Variants in C9 observed in about 807,000 individuals in gnomAD.
The protein encoded by C9 is complement component C9.
In C9, 63 loss-of-function variants were observed where a neutral mutation model predicts 65.4. The ratio of observed to expected loss-of-function variants is 0.96; its 90% CI spans 0.79 to 1.19. C9 has a LOEUF of 1.19. C9 is among the 50% of genes most tolerant of loss of function. The probability of loss-of-function intolerance (pLI) is 0.00; values close to 1 mark genes in which losing one functional copy is unlikely to be tolerated. For synonymous variants in C9, 229 were observed against 227.9 expected (o/e 1.00, Z -0.04); for missense variants, 744 against 670.1 (o/e 1.11, Z -1.22).
intron 1 of C9, among the ~76,000 whole-genome samples, chr5:39,351,301 C>G (rs966165444): frequency 6.6e-6 from 1 of 152,198 alleles, no homozygotes; most frequent in Non-Finnish European, 1.5e-5. Flanking sequence ...CCACAAAGGT[C>G]TCTGAAATGC....
intron 4 of C9, among the ~76,000 whole-genome samples, chr5:39,332,779 T>G (rs1449458002): frequency 6.6e-6 from 1 of 152,240 alleles, no homozygotes; most frequent in African/African-American, 2.4e-5. Context: ...TAAGACCAAT[T>G]TGTCAAAGAG....
At chr5:39,335,034 TA>T (rs1170677508) in intron 4 of C9, among the ~76,000 whole-genome samples, 5 of 151,836 alleles carry the variant, frequency 3.3e-5, no homozygotes, top group African/African-American at 9.7e-5. Flanking sequence ...TTTGTATCAC[TA>T]AGGTTTTGAC....
intron 1 of C9, among the ~76,000 whole-genome samples, chr5:39,362,924 C>T (rs575777267): frequency 6.6e-6 from 1 of 152,060 alleles, no homozygotes; most frequent in Non-Finnish European, 1.5e-5. Flanking sequence ...AGCCGTGCAG[C>T]TGCTGGAGCT....
chr5:39,314,649 G>A (rs1753541277), intron 6 of C9, among the ~76,000 whole-genome samples: 1 of 151,892 alleles, frequency 6.6e-6, no homozygotes, highest in Non-Finnish European at 1.5e-5. Context: ...CTACATTAGA[G>A]ACTTCTCTAA....
chr5:39,346,973 C>A (rs993027602), intron 1 of C9, among the ~76,000 whole-genome samples: 1 of 152,092 alleles, frequency 6.6e-6, no homozygotes, highest in African/African-American at 2.4e-5. Flanking sequence ...ATTCAACAGC[C>A]CTTCATGCTA....
rs1447506509 is a variant in C9, at chr5:39,315,950, G to A, written c.695C>T (p.Thr232Ile). The A allele has an allele frequency of 2.5e-6, 4 of 1,608,508 alleles. No homozygotes were observed. The highest frequency in any genetic ancestry group is 3.4e-6 in the Non-Finnish European group (4 of 1,175,298). The change falls in exon 6 of 11, where the codon ACA becomes ATA. Residue 232 changes from threonine (T) to isoleucine (I), a missense_variant. Coordinates refer to ENST00000263408, the MANE Select transcript of C9 (RefSeq NM_001737.5). ...EAFKSIIQEK[T>I]SNFNAAISLK... is the part of the protein sequence containing the mutation. ...AGATATAGCTGCATTAAAATTTGAT[G>A]TCTTCTCTTGGATGATACTTTTAAA...
Position 39,315,798 on chromosome 5 carries a change from A to T in C9, c.847T>A (p.Phe283Ile). 6.2e-7 allele frequency: 1 copy of T among 1,604,852 alleles called. No individual in the cohort carries two copies. Among genetic ancestry groups the T allele is most frequent in the Non-Finnish European group, 8.5e-7 (1 of 1,171,912 alleles). The change falls in exon 6 of 11, where the codon TTT (phenylalanine) becomes ATT (isoleucine). Residue 283 changes from phenylalanine (F) to isoleucine (I), a missense_variant. Phe to Ile is a conservative substitution (Grantham distance 21). Transcript: ENST00000263408. ...SYSKNETYQL[F>I]LSYSSKKEKM... ...ACCTTCTTTGAAGAATATGACAAAAATAGTTGGTAAGTTTCATTTTTGGAA... is the reference window on the plus strand; with the variant it reads ...ACCTTCTTTGAAGAATATGACAAAATTAGTTGGTAAGTTTCATTTTTGGAA...
chr5:39,319,821 C>T (rs1261515853), intron 5 of C9, among the ~76,000 whole-genome samples: 2 of 152,102 alleles, frequency 1.3e-5, no homozygotes, highest in Non-Finnish European at 2.9e-5. Context: ...GATCCAGGCC[C>T]ACTTCTGTAG....
intron 7 of C9, among the ~76,000 whole-genome samples, chr5:39,308,754 C>A (rs1753424715): frequency 6.6e-6 from 1 of 152,112 alleles, no homozygotes; most frequent in South Asian, 2.1e-4. Context: ...CTCACACTGG[C>A]CTTATGAAGT....
chr5:39,354,237 C>T (rs2111979981), intron 1 of C9, among the ~76,000 whole-genome samples: 1 of 152,298 alleles, frequency 6.6e-6, no homozygotes, highest in African/African-American at 2.4e-5. Context: ...AAAACTACAG[C>T]CTCATCTGGA....
In C9 at chr5:39,364,466, C is replaced by A; in HGVS notation, c.-2G>T. On this transcript the variant is annotated 5_prime_UTR_variant, in exon 1 of 11. Coordinates refer to ENST00000263408, the MANE Select transcript of C9 (RefSeq NM_001737.5). ...TGCAAAGCTCCGGCAGGCTGACATG[C>A]TGCTCTTGCTGGGTGGCTGCGAGTG... 6.3e-7 allele frequency: 1 copy of A among 1,598,274 alleles called. No homozygotes were observed. Among genetic ancestry groups the A allele is most frequent in the Non-Finnish European group, 8.6e-7 (1 of 1,166,874 alleles).
chr5:39,300,205 G>A (rs933033761), intron 9 of C9, among the ~76,000 whole-genome samples: 1 of 152,098 alleles, frequency 6.6e-6, no homozygotes, highest in Non-Finnish European at 1.5e-5. Flanking sequence ...TTGAGGTCAG[G>A]AGTTTGAAAA....
intron 4 of C9, among the ~76,000 whole-genome samples, chr5:39,336,577 A>T (rs1379807060): frequency 2.0e-5 from 3 of 152,126 alleles, no homozygotes; most frequent in African/African-American, 7.2e-5. Flanking sequence ...TAATGAAATG[A>T]ATGAGTCTTC....
At chr5:39,306,822 G>A in intron 8 of C9, 30 bp from the exon 9 acceptor site, 1 of 1,539,378 alleles carries the variant, frequency 6.5e-7, no homozygotes, top group Non-Finnish European at 9.0e-7. Context: ...TTAAAGAGAA[G>A]CAGAAGAAGT....
At chr5:39,316,306 T>C (rs993102276) in intron 5 of C9, among the ~76,000 whole-genome samples, 6 of 152,210 alleles carry the variant, frequency 3.9e-5, no homozygotes, top group Non-Finnish European at 7.3e-5. Flanking sequence ...AAAAATTCAG[T>C]GAGATAATGC....
Position 39,354,636 on chromosome 5 carries a change from T to C in C9, c.77+9752A>G, listed in dbSNP as rs1754383844. Among the ~76,000 whole-genome samples, 7 of 152,186 alleles carry C rather than the reference T, an allele frequency of 4.6e-5. No homozygotes were observed. The South Asian group carries it at 1.4e-3, about 32-fold the overall frequency. Reference sequence around the variant, plus strand: ...TTCTGAGTACCTACTATGTTCCAGGTATTTGATATTCAAGCTGAACAAAAC... The same window carrying C: ...TTCTGAGTACCTACTATGTTCCAGGCATTTGATATTCAAGCTGAACAAAAC... On this transcript the variant is annotated intron_variant, in intron 1 of 10. Coordinates refer to ENST00000263408, the MANE Select transcript of C9 (RefSeq NM_001737.5).
intron 1 of C9, among the ~76,000 whole-genome samples, chr5:39,344,993 C>G (rs1247301427): frequency 1.3e-5 from 2 of 152,136 alleles, no homozygotes; most frequent in South Asian, 2.1e-4. Context: ...TCACCACCAG[C>G]CCTGCCCTAC....
At chr5:39,340,565 TG>T (rs1476662650) in intron 4 of C9, among the ~76,000 whole-genome samples, 1 of 152,252 alleles carries the variant, frequency 6.6e-6, no homozygotes, top group Non-Finnish European at 1.5e-5. Flanking sequence ...TACAGCCATC[TG>T]TCCAGAGCCC....
intron 1 of C9, among the ~76,000 whole-genome samples, chr5:39,344,080 G>A (rs997667898): frequency 1.3e-5 from 2 of 152,132 alleles, no homozygotes; most frequent in African/African-American, 2.4e-5. Flanking sequence ...GGGAAAAACA[G>A]AGCAGAAAAG....
Sources: allele counts gnomAD v4.1 joint callset (sites outside exome capture counted in the v4.1 genomes callset), GRCh38; gene constraint gnomAD v4.1.1; transcripts MANE v1.5; gene names NCBI Gene and HGNC (gene_info 2026-07-23, HGNC 2026-07-21).